Variants in FSTL5 observed in about 807,000 individuals in gnomAD.
FSTL5 encodes the protein follistatin-related protein 5.
FSTL5 carries 62 observed loss-of-function variants against 89.1 expected under a neutral mutation model. That is an observed-to-expected ratio of 0.70 (90% confidence interval 0.57 to 0.86). The LOEUF (loss-of-function observed/expected upper bound fraction) is 0.86, where lower values mean the gene tolerates loss of function less well. Ranked by LOEUF, FSTL5 falls within the 40% of genes least tolerant of loss-of-function variation. The pLI, the probability that FSTL5 is intolerant of heterozygous loss-of-function variation, is 0.00. For synonymous variants in FSTL5, 383 were observed against 346.2 expected (o/e 1.11, Z -1.18); for missense variants, 1,057 against 1,001.6 (o/e 1.06, Z -0.75).
intron 15 of FSTL5, among the ~76,000 whole-genome samples, chr4:161,443,796 TGTAGACAAAATGA>T (rs1426015985): frequency 6.6e-6 from 1 of 151,862 alleles, no homozygotes; most frequent in Non-Finnish European, 1.5e-5. Context: ...GAAAGGGCAC[TGTAGACAAAATGA>T]GTAATTATGT....
At chr4:161,488,690 G>C (rs1729763618) in intron 12 of FSTL5, among the ~76,000 whole-genome samples, 1 of 152,014 alleles carries the variant, frequency 6.6e-6, no homozygotes, top group East Asian at 1.9e-4. Flanking sequence ...TATTTGAAAA[G>C]GTGAAGTGAT....
At chr4:161,539,173 T>C (rs937637545) in intron 9 of FSTL5, among the ~76,000 whole-genome samples, 12 of 151,964 alleles carry the variant, frequency 7.9e-5, no homozygotes, top group African/African-American at 2.9e-4. Context: ...TGTGTGTGTG[T>C]GCATGCCTGT....
intron 13 of FSTL5, among the ~76,000 whole-genome samples, chr4:161,464,439 C>T (rs1733680531): frequency 6.6e-6 from 1 of 152,136 alleles, no homozygotes; most frequent in Admixed American, 6.5e-5. Flanking sequence ...ACCCTCCTTC[C>T]CTGTGTGCAT....
intron 4 of FSTL5, among the ~76,000 whole-genome samples, chr4:161,881,520 T>C (rs907294979): frequency 6.6e-6 from 1 of 152,108 alleles, no homozygotes; most frequent in Non-Finnish European, 1.5e-5. Context: ...CTCGAAATCA[T>C]GGTTTAATGC....
rs149618336 is a variant in FSTL5, at chr4:161,542,540, G to A, written c.1169C>T (p.Thr390Met). ...DITPKLSKQL[T>M]LQANGSEVHI... ...AAGCAAGTAAAAAGCACCTTGAAGC[G>A]TGAGTTGTTTGGAAAGCTTTGGTGT... Residue 390 changes from threonine to methionine, a missense_variant, in exon 9 of 16, where the codon ACG becomes ATG. Physicochemically the swap from Thr to Met is moderately conservative, Grantham distance 81. Around this residue, in one of 3 missense-constraint regions of FSTL5, gnomAD observed 980 missense variants for 903.2 expected, o/e 1.08. Coordinates refer to ENST00000306100, the MANE Select transcript of FSTL5 (RefSeq NM_020116.5). 87 of 1,491,256 alleles carry A rather than the reference G, an allele frequency of 5.8e-5. No individual in the cohort carries two copies. Among genetic ancestry groups the A allele is most frequent in the South Asian group, 1.1e-4 (8 of 69,678 alleles). 92.4% of individuals were successfully genotyped at this position (1,491,256 alleles called of 1,614,324 possible). A position where few individuals can be genotyped will look rare whatever the true frequency, so the allele number is the denominator to read the frequency against.
At chr4:162,095,379 C>G (rs1285689539) in intron 2 of FSTL5, among the ~76,000 whole-genome samples, 1 of 152,046 alleles carries the variant, frequency 6.6e-6, no homozygotes, top group Non-Finnish European at 1.5e-5. Flanking sequence ...TTAATATGCT[C>G]TTGTGCATTG....
chr4:161,526,826 AC>A (rs1458520211), intron 10 of FSTL5, among the ~76,000 whole-genome samples: 5 of 152,162 alleles, frequency 3.3e-5, no homozygotes, highest in African/African-American at 1.2e-4. Context: ...TGGTACCAGT[AC>A]CATGCTGTTT....
chr4:161,726,403 T>C (rs183352827), intron 6 of FSTL5, among the ~76,000 whole-genome samples: 1,527 of 31,870 alleles, frequency 0.048, 18 homozygotes, highest in African/African-American at 0.07. Flanking sequence ...ATTTTTGCAT[T>C]TTTTAGTAGA....
chr4:161,886,343 T>C (rs1031132833), intron 4 of FSTL5, among the ~76,000 whole-genome samples: 15 of 152,206 alleles, frequency 9.9e-5, no homozygotes, highest in African/African-American at 3.4e-4. Context: ...AATTGCAGTG[T>C]GTGTGGAGTT....
At chr4:161,837,260 A>C (rs2126868365) in intron 4 of FSTL5, among the ~76,000 whole-genome samples, 1 of 152,298 alleles carries the variant, frequency 6.6e-6, no homozygotes, top group Admixed American at 6.5e-5. Flanking sequence ...ACAATTAAAG[A>C]GAAAGAAGAG....
At chr4:161,428,819 G>A (rs1732252996) in intron 15 of FSTL5, among the ~76,000 whole-genome samples, 1 of 152,154 alleles carries the variant, frequency 6.6e-6, no homozygotes, top group South Asian at 2.1e-4. Context: ...CCTACAGGGA[G>A]AGACTACTTA....
intron 15 of FSTL5, among the ~76,000 whole-genome samples, chr4:161,403,824 C>T (rs531543420): frequency 6.6e-6 from 1 of 152,206 alleles, no homozygotes; most frequent in African/African-American, 2.4e-5. Context: ...TCTGGGCACA[C>T]AAATGGAACA....
chr4:162,124,224 G>T (rs1731981580), intron 1 of FSTL5, among the ~76,000 whole-genome samples: 1 of 152,102 alleles, frequency 6.6e-6, no homozygotes, highest in Non-Finnish European at 1.5e-5. Context: ...CTATTACATT[G>T]AATTTAAGAA....
intron 4 of FSTL5, among the ~76,000 whole-genome samples, chr4:161,868,995 G>A (rs147290310): frequency 6.6e-6 from 1 of 152,126 alleles, no homozygotes; most frequent in South Asian, 2.1e-4. Context: ...AACGAGAGAG[G>A]CGGATCACCT....
chr4:161,448,304 C>T lies in FSTL5; in HGVS notation c.1841+6700G>A, dbSNP rs754432490. Among the ~76,000 whole-genome samples, 3 of 152,194 alleles carry T rather than the reference C, an allele frequency of 2.0e-5. No individual in the cohort carries two copies. In the South Asian group the frequency reaches 6.2e-4, roughly 32 times the overall value. On this transcript the variant is annotated intron_variant, in intron 15 of 15. Transcript: ENST00000306100. ...CCAAGATTTTACTTTTCTCTAAATGCCATGGAACAGCAGGTATTTTCAATT... is the reference window on the plus strand; with the variant it reads ...CCAAGATTTTACTTTTCTCTAAATGTCATGGAACAGCAGGTATTTTCAATT...
intron 6 of FSTL5, among the ~76,000 whole-genome samples, chr4:161,751,021 G>A (rs1388061380): frequency 2.0e-5 from 3 of 151,038 alleles, no homozygotes; most frequent in East Asian, 1.9e-4. Context: ...GTCTAATTGT[G>A]TCTGCTTTTA....
chr4:161,437,437 G>C (rs368089192), intron 15 of FSTL5, among the ~76,000 whole-genome samples: 1 of 151,432 alleles, frequency 6.6e-6, no homozygotes, highest in Non-Finnish European at 1.5e-5. Flanking sequence ...CGTGGTGGCG[G>C]GCGCCTTTAG....
intron 3 of FSTL5, among the ~76,000 whole-genome samples, chr4:161,975,750 T>C (rs1304062046): frequency 2.1e-5 from 2 of 95,958 alleles, no homozygotes; most frequent in African/African-American, 8.1e-5. Context: ...ACTTAAAGTA[T>C]AATAAAAATA....
intron 10 of FSTL5, among the ~76,000 whole-genome samples, chr4:161,537,541 T>G (rs1241388536): frequency 6.6e-6 from 1 of 152,136 alleles, no homozygotes; most frequent in Admixed American, 6.6e-5. Flanking sequence ...CTCTACCCCT[T>G]TTGCCAAGTA....
Sources: gnomAD v4.1 joint callset for allele counts (sites outside exome capture counted in the v4.1 genomes callset) on GRCh38, gnomAD v4.1.1 for gene constraint, gnomAD v4.1.1 regional missense constraint, MANE v1.5 for transcripts, NCBI Gene and HGNC (gene_info 2026-07-23, HGNC 2026-07-21) for gene names.